Variants in ZNF804A observed in about 807,000 individuals in gnomAD.
ZNF804A encodes the protein zinc finger protein 804A.
In ZNF804A, 2 loss-of-function variants were observed where a neutral mutation model predicts 16.5. The ratio of observed to expected loss-of-function variants is 0.12; its 90% confidence interval spans 0.05 to 0.38. ZNF804A has a LOEUF of 0.38. ZNF804A is among the 10% of genes least tolerant of loss of function. ZNF804A has a pLI of 0.99. For synonymous variants in ZNF804A, 534 were observed against 489.6 expected (o/e 1.09, Z -1.20); for missense variants, 1,473 against 1,390.7 (o/e 1.06, Z -0.94).
chr2:184,919,968 A>G (rs1238617616), intron 2 of ZNF804A, among the ~76,000 whole-genome samples: 4 of 152,120 alleles, frequency 2.6e-5, no homozygotes, highest in African/African-American at 9.7e-5. Context: ...TATAAAAATT[A>G]GCTTGGCATG....
At chr2:184,895,681 T>G (rs1319901388) in intron 2 of ZNF804A, among the ~76,000 whole-genome samples, 2 of 152,238 alleles carry the variant, frequency 1.3e-5, no homozygotes, top group Non-Finnish European at 2.9e-5. Context: ...GAAATGTACT[T>G]GCAATTCTCA....
chr2:184,705,453 G>A (rs1358856254), intron 1 of ZNF804A, among the ~76,000 whole-genome samples: 1 of 152,166 alleles, frequency 6.6e-6, no homozygotes, highest in African/African-American at 2.4e-5. Flanking sequence ...TATGAAGAGT[G>A]TAGCTAAAAA....
At chr2:184,658,728 C>T (rs978599300) in intron 1 of ZNF804A, among the ~76,000 whole-genome samples, 3 of 152,114 alleles carry the variant, frequency 2.0e-5, no homozygotes, top group African/African-American at 7.2e-5. Flanking sequence ...AAAGTTAATG[C>T]TCTTCAAGTA....
intron 1 of ZNF804A, among the ~76,000 whole-genome samples, chr2:184,786,370 A>G (rs909002731): frequency 6.6e-6 from 1 of 152,040 alleles, no homozygotes; most frequent in African/African-American, 2.4e-5. Context: ...TATATTTTGT[A>G]AGACAAAGGA....
chr2:184,786,969 A>G (rs1574212140), intron 1 of ZNF804A, among the ~76,000 whole-genome samples: 1 of 151,850 alleles, frequency 6.6e-6, no homozygotes, highest in Non-Finnish European at 1.5e-5. Context: ...TAATATTAAT[A>G]TACTTTTTTT....
At chr2:184,724,973 T>C (rs1693383033) in intron 1 of ZNF804A, among the ~76,000 whole-genome samples, 2 of 151,752 alleles carry the variant, frequency 1.3e-5, no homozygotes, top group South Asian at 2.1e-4. Context: ...CATTTCTCAT[T>C]GATGCAGGGT....
At position 184,766,215 on chromosome 2, in the gene ZNF804A, A is replaced by G. The variant is rs539802251; in HGVS notation, c.112-100154A>G. 2.6e-5 allele frequency among the ~76,000 whole-genome samples: 4 copies of G among 152,270 alleles called. No individual in the cohort carries two copies. In the East Asian group the frequency reaches 7.7e-4, roughly 29 times the overall value. On this transcript the variant is annotated intron_variant, in intron 1 of 3. Transcript: ENST00000302277. The stretch of plus-strand genomic sequence containing the variant: ...CACCAAATTAATTCATTGCTAAATT[A>G]TTATTTTTATGAATAAATATCAAAA...
In ZNF804A at chr2:184,643,501, G is replaced by C. The variant is rs1241380916; in HGVS notation, c.111+44431G>C. On this transcript the variant is annotated intron_variant, in intron 1 of 3. Coordinates refer to ENST00000302277, the MANE Select transcript of ZNF804A (RefSeq NM_194250.2). ...TCCCTGATATTGTCTTATTCTTACA[G>C]TATACCTATAACTCAAGAGCAACAA... 2.0e-5 allele frequency among the ~76,000 whole-genome samples: 3 copies of C among 151,974 alleles called. No homozygotes were observed. In the East Asian group the frequency reaches 5.8e-4, roughly 29 times the overall value.
chr2:184,611,966 C>G (rs150756633), intron 1 of ZNF804A, among the ~76,000 whole-genome samples: 2 of 152,258 alleles, frequency 1.3e-5, no homozygotes, highest in East Asian at 3.9e-4. Context: ...AGGTGTCACT[C>G]TTGGCTGTAA....
Position 184,732,925 on chromosome 2 carries a change from T to C in ZNF804A, c.112-133444T>C, listed in dbSNP as rs183474516. ...CCTATTAGTCCCAGGTCTGTTGCCATTGTTGTTGATTCTTTTGTATTTTCT... is the reference window on the plus strand; with the variant it reads ...CCTATTAGTCCCAGGTCTGTTGCCACTGTTGTTGATTCTTTTGTATTTTCT... On this transcript the variant is annotated intron_variant, in intron 1 of 3. Transcript: ENST00000302277. Among the ~76,000 whole-genome samples the C allele has an allele frequency of 5.9e-5, 9 of 152,234 alleles. No homozygotes were observed. The East Asian group carries it at 9.7e-4, about 16-fold the overall frequency.
intron 1 of ZNF804A, among the ~76,000 whole-genome samples, chr2:184,602,103 A>G (rs771759606): frequency 6.6e-6 from 1 of 151,928 alleles, no homozygotes; most frequent in Non-Finnish European, 1.5e-5. Context: ...AGTCCCTTCT[A>G]TAGGTCATAT....
intron 1 of ZNF804A, among the ~76,000 whole-genome samples, chr2:184,608,981 A>C (rs76888119): frequency 0.017 from 2,664 of 152,328 alleles, 56 homozygotes; most frequent in African/African-American, 0.06. Context: ...CTTCAGTGAA[A>C]AGTTTGAATC....
chr2:184,891,341 A>G (rs544753898), intron 2 of ZNF804A, among the ~76,000 whole-genome samples: 4 of 152,098 alleles, frequency 2.6e-5, no homozygotes, highest in Non-Finnish European at 5.9e-5. Context: ...TGGCATCTGA[A>G]CTCAGAGTAT....
chr2:184,669,887 G>A (rs1325264270), intron 1 of ZNF804A, among the ~76,000 whole-genome samples: 2 of 151,930 alleles, frequency 1.3e-5, no homozygotes, highest in East Asian at 1.9e-4. Flanking sequence ...CAAATATGAA[G>A]ACTTTGTAAG....
chr2:184,857,989 T>C (rs1330384871), intron 1 of ZNF804A, among the ~76,000 whole-genome samples: 3 of 152,126 alleles, frequency 2.0e-5, no homozygotes, highest in Non-Finnish European at 4.4e-5. Context: ...TATTGCTGTC[T>C]TCCTGTTAAT....
At chr2:184,623,664 C>G (rs1358655953) in intron 1 of ZNF804A, among the ~76,000 whole-genome samples, 1 of 152,050 alleles carries the variant, frequency 6.6e-6, no homozygotes, top group South Asian at 2.1e-4. Flanking sequence ...CATCCAAACC[C>G]AGCACTTGAC....
intron 2 of ZNF804A, among the ~76,000 whole-genome samples, chr2:184,920,123 C>T (rs1455131847): frequency 6.6e-6 from 1 of 151,530 alleles, no homozygotes; most frequent in Non-Finnish European, 1.5e-5. Flanking sequence ...TAAAAAACAA[C>T]AAACAAACAA....
intron 1 of ZNF804A, 94 bp from the exon 2 acceptor site, chr2:184,866,274 TA>T: frequency 8.8e-7 from 1 of 1,141,680 alleles, no homozygotes; most frequent in Non-Finnish European, 1.2e-6. Context: ...ATTCTGTTTC[TA>T]ACTCTAATTA....
intron 1 of ZNF804A, among the ~76,000 whole-genome samples, chr2:184,823,434 A>T (rs1423333624): frequency 6.6e-6 from 1 of 152,168 alleles, no homozygotes; most frequent in Non-Finnish European, 1.5e-5. Flanking sequence ...AGTGACTCTT[A>T]AAGTTCAGGA....
Sources: allele counts gnomAD v4.1 joint callset (sites outside exome capture counted in the v4.1 genomes callset), GRCh38; gene constraint gnomAD v4.1.1; transcripts MANE v1.5; gene names NCBI Gene and HGNC (gene_info 2026-07-23, HGNC 2026-07-21).